PSD3: variants seen among roughly 807,000 people sequenced by gnomAD.
PSD3 encodes the protein PH and SEC7 domain-containing protein 3.
A neutral mutation model predicts 105.5 loss-of-function variants in PSD3; 49 were observed. The ratio of observed to expected loss-of-function variants is 0.46; its 90% CI spans 0.37 to 0.59. PSD3 has a LOEUF of 0.59. Among genes scored for constraint, PSD3 ranks in the 20% least tolerant of loss-of-function variants. PSD3 has a pLI of 0.00. For synonymous variants in PSD3, 557 were observed against 457.8 expected (o/e 1.22, Z -2.77); for missense variants, 1,561 against 1,263.8 (o/e 1.24, Z -3.57).
Position 18,583,791 on chromosome 8 carries a change from CTTTT to C in PSD3, c.2482-8510_2482-8507del, listed in dbSNP as rs553724673. 3.0e-3 allele frequency among the ~76,000 whole-genome samples: 454 copies of C among 152,204 alleles called. 3 individuals carry two copies. Among genetic ancestry groups the C allele is most frequent in the African/African-American group, 0.011 (441 of 41,540 alleles). On this transcript the variant is annotated intron_variant, in intron 12 of 15. Transcript: ENST00000327040. ...ATTTCTCAAATTGCACTGAATTGGC[CTTTT>C]GTTTGTTAATTTCTTCAGAATGAAG...
Position 19,078,984 on chromosome 8 carries a change from A to G in PSD3, c.324+5222T>C, listed in dbSNP as rs377755337. Among the ~76,000 whole-genome samples, 44 of 151,890 alleles carry G rather than the reference A, an allele frequency of 2.9e-4. 1 individual carries two copies. Among genetic ancestry groups the G allele is most frequent in the Admixed American group, 7.9e-4 (12 of 15,234 alleles). On this transcript the variant is annotated intron_variant, in intron 1 of 1. Transcript: ENST00000521475. The stretch of plus-strand genomic sequence containing the variant: ...CCAGCTCCCAATCCAATTGCTTTTC[A>G]ACATGTTGCAAGGGACACAGCTGTA...
intron 2 of PSD3, among the ~76,000 whole-genome samples, chr8:18,896,876 T>C (rs1819184125): frequency 6.6e-6 from 1 of 152,050 alleles, no homozygotes; most frequent in African/African-American, 2.4e-5. Context: ...AATGGCATGA[T>C]CTCGGCTCAC....
At chr8:18,686,282 G>A (rs1800657503) in intron 9 of PSD3, among the ~76,000 whole-genome samples, 1 of 152,166 alleles carries the variant, frequency 6.6e-6, no homozygotes, top group South Asian at 2.1e-4. Context: ...TCTGCGAAGT[G>A]GGTTGAGGTA....
At chr8:19,073,948 G>A (rs368378267) in intron 1 of PSD3, among the ~76,000 whole-genome samples, 1 of 151,734 alleles carries the variant, frequency 6.6e-6, no homozygotes, top group Admixed American at 6.6e-5. Context: ...CTGCCACCAC[G>A]CCTGGCTAAT....
chr8:18,668,227 C>A (rs917951518), intron 9 of PSD3, among the ~76,000 whole-genome samples: 9 of 152,194 alleles, frequency 5.9e-5, no homozygotes, highest in African/African-American at 2.2e-4. Flanking sequence ...GCCAGGACTG[C>A]CAGCACGCTG....
chr8:18,673,855 C>T (rs760644126), intron 9 of PSD3, among the ~76,000 whole-genome samples: 2 of 151,974 alleles, frequency 1.3e-5, no homozygotes, highest in East Asian at 1.9e-4. Flanking sequence ...AATTGTAGGG[C>T]GGGCAGGGGG....
intron 1 of PSD3, among the ~76,000 whole-genome samples, chr8:19,081,309 C>T (rs574748169): frequency 6.6e-6 from 1 of 152,314 alleles, no homozygotes; most frequent in East Asian, 1.9e-4. Context: ...TGTCTTTCTC[C>T]CACCCTCTCC....
intron 1 of PSD3, among the ~76,000 whole-genome samples, chr8:19,067,113 G>A (rs1055432547): frequency 6.6e-6 from 1 of 152,032 alleles, no homozygotes; most frequent in South Asian, 2.1e-4. Flanking sequence ...TCTTTGGGCA[G>A]ACTGTCATTT....
chr8:18,849,093 G>A (rs1045323555), intron 4 of PSD3, among the ~76,000 whole-genome samples: 8 of 152,126 alleles, frequency 5.3e-5, no homozygotes, highest in African/African-American at 1.2e-4. Flanking sequence ...CTCCAGTCCC[G>A]AAGCAGCATT....
chr8:18,976,078 A>G (rs907152020), intron 1 of PSD3, among the ~76,000 whole-genome samples: 3 of 152,196 alleles, frequency 2.0e-5, no homozygotes, highest in Admixed American at 6.5e-5. Context: ...GTAAGCAACA[A>G]AAGTCCCACC....
intron 1 of PSD3, among the ~76,000 whole-genome samples, chr8:19,004,706 T>C (rs1228082541): frequency 6.6e-6 from 1 of 152,106 alleles, no homozygotes; most frequent in Non-Finnish European, 1.5e-5. Context: ...AAAACTCATC[T>C]TGAATCGGAA....
At chr8:18,695,160 C>T (rs886586374) in intron 9 of PSD3, among the ~76,000 whole-genome samples, 4 of 152,164 alleles carry the variant, frequency 2.6e-5, no homozygotes, top group Non-Finnish European at 5.9e-5. Flanking sequence ...TTGCAAAGAA[C>T]AGCAACGACA....
At chr8:18,967,900 C>T (rs911433398) in intron 1 of PSD3, among the ~76,000 whole-genome samples, 1 of 152,112 alleles carries the variant, frequency 6.6e-6, no homozygotes, top group Non-Finnish European at 1.5e-5. Context: ...GTATCGAGGG[C>T]CCATTCACAT....
At chr8:19,006,155 T>C (rs1826669099) in intron 1 of PSD3, among the ~76,000 whole-genome samples, 1 of 151,126 alleles carries the variant, frequency 6.6e-6, no homozygotes, top group African/African-American at 2.4e-5. Context: ...TAGCTGGGTG[T>C]GGTGGCACGT....
intron 14 of PSD3, among the ~76,000 whole-genome samples, chr8:18,563,165 G>C (rs767730806): frequency 4.5e-4 from 68 of 152,092 alleles, no homozygotes; most frequent in Non-Finnish European, 3.1e-4. Flanking sequence ...GTTGAGCAGA[G>C]AGATAGTATG....
intron 9 of PSD3, among the ~76,000 whole-genome samples, chr8:18,662,022 A>C (rs920527704): frequency 6.6e-6 from 1 of 151,758 alleles, no homozygotes; most frequent in African/African-American, 2.4e-5. Flanking sequence ...GGTAAGATGT[A>C]GTTTTGAAAT....
chr8:19,075,092 C>T (rs1278638404), intron 1 of PSD3, among the ~76,000 whole-genome samples: 3 of 151,548 alleles, frequency 2.0e-5, no homozygotes, highest in East Asian at 2.0e-4. Context: ...ATTACAGGCA[C>T]AGTACACCAT....
At chr8:18,761,008 T>C (rs1214554127) in intron 9 of PSD3, among the ~76,000 whole-genome samples, 11 of 152,138 alleles carry the variant, frequency 7.2e-5, no homozygotes, top group Non-Finnish European at 1.6e-4. Flanking sequence ...TATGAACTAG[T>C]TTGCTTCCTC....
At chr8:18,765,150 A>G (rs1039725267) in intron 9 of PSD3, among the ~76,000 whole-genome samples, 1 of 152,164 alleles carries the variant, frequency 6.6e-6, no homozygotes. Context: ...TCTTTCTTAA[A>G]TTCTGATAGT....
Sources: gnomAD v4.1 joint callset for allele counts (sites outside exome capture counted in the v4.1 genomes callset) on GRCh38, gnomAD v4.1.1 for gene constraint, MANE v1.5 for transcripts, NCBI Gene and HGNC (gene_info 2026-07-23, HGNC 2026-07-21) for gene names.